LANCL3: variants seen among roughly 807,000 people sequenced by gnomAD.
LANCL3 encodes the protein LanC like family member 3, also known as lanC-like protein 3.
A neutral mutation model predicts 26.5 loss-of-function variants in LANCL3; 19 were observed. The observed-to-expected ratio is 0.72, with a 90% confidence interval of 0.50 to 1.05. The LOEUF is 1.05. Ranked by LOEUF, LANCL3 falls within the 50% of genes least tolerant of loss-of-function variation. The pLI is 0.00. For synonymous variants in LANCL3, 160 were observed against 166.6 expected (o/e 0.96, Z 0.30); for missense variants, 318 against 362.7 (o/e 0.88, Z 1.00).
intron 1 of LANCL3, among the ~76,000 whole-genome samples, chrX:37,574,054 C>CAAAAAAAAAAAAAAAAAAAAAAAAAAAAA (rs34987799): frequency 3.0e-5 from 1 of 33,433 alleles, no homozygotes; most frequent in African/African-American, 9.3e-5. Context: ...TCAAGGATAG[C>CAAAAAAAAAAAAAAAAAAAAAAAAAAAAA]AAAAAAAAAA....
chrX:37,604,936 T>A (rs1331327526), intron 1 of LANCL3, among the ~76,000 whole-genome samples: 1 of 112,553 alleles, frequency 8.9e-6, no homozygotes, highest in Admixed American at 9.3e-5. Context: ...CAGCATGTGG[T>A]CTCAGAGGCA....
chrX:37,616,821 A>T (rs1049933559), intron 1 of LANCL3, among the ~76,000 whole-genome samples: 1 of 111,786 alleles, frequency 8.9e-6, no homozygotes, highest in Non-Finnish European at 1.9e-5. Context: ...CCAGCACATC[A>T]GTATCATCTA....
At chrX:37,639,178 T>C (rs1242548247) in intron 1 of LANCL3, among the ~76,000 whole-genome samples, 1 of 103,316 alleles carries the variant, frequency 9.7e-6, no homozygotes, top group African/African-American at 3.5e-5. Flanking sequence ...TATATATCCA[T>C]ATATACATAC....
Position 37,682,250 on chromosome X carries a change from C to A in LANCL3, c.*6437C>A, listed in dbSNP as rs1390312658. The A allele has an allele frequency of 9.3e-6, 1 of 107,651 alleles. No homozygotes were observed. Among genetic ancestry groups the A allele is most frequent in the African/African-American group, 3.4e-5 (1 of 29,612 alleles). 8.9% of individuals were successfully genotyped at this position (107,651 alleles called of 1,213,427 possible). Reference sequence around the variant, plus strand: ...CCCAAGTAGCTGGGACTACAGGCGCCCGCCACTACGCCCGGCTAATTTTTT... The same window carrying A: ...CCCAAGTAGCTGGGACTACAGGCGCACGCCACTACGCCCGGCTAATTTTTT... On this transcript the variant is annotated 3_prime_UTR_variant, in exon 5 of 5. Transcript: ENST00000378619.
Position 37,667,912 on chromosome X carries a change from C to T in LANCL3, c.1103+423C>T, listed in dbSNP as rs782447693. Among the ~76,000 whole-genome samples the T allele has an allele frequency of 2.7e-5, 3 of 110,528 alleles. No homozygotes were observed. The South Asian group carries it at 1.2e-3, about 43-fold the overall frequency. On this transcript the variant is annotated intron_variant, in intron 4 of 4. Transcript: ENST00000378619. ...GGAGAGAGGAGGAAAGTGCCAGGCT[C>T]TTTTTAACAGTCATCTCTTGGGAGC...
At chrX:37,667,946 T>C (rs1209452750) in intron 4 of LANCL3, among the ~76,000 whole-genome samples, 1 of 110,081 alleles carries the variant, frequency 9.1e-6, no homozygotes, top group Non-Finnish European at 1.9e-5. Flanking sequence ...GCAAATAGAG[T>C]GAGAGCTCAC....
intron 1 of LANCL3, among the ~76,000 whole-genome samples, chrX:37,579,110 A>G (rs1370328512): frequency 2.7e-5 from 3 of 110,719 alleles, no homozygotes; most frequent in Non-Finnish European, 5.7e-5. Flanking sequence ...CATATATTAC[A>G]CAGCTTGCTT....
At chrX:37,612,839 G>A (rs1485559121) in intron 1 of LANCL3, among the ~76,000 whole-genome samples, 1 of 111,824 alleles carries the variant, frequency 8.9e-6, no homozygotes, top group Non-Finnish European at 1.9e-5. Context: ...GCTGTTTTGA[G>A]CTTTATTACA....
Position 37,571,892 on chromosome X carries a change from G to A in LANCL3, c.22G>A (p.Ala8Thr). ...CAGCATGGACACCAAGCGCTGCTTC[G>A]CCAATCGCTTCGATGACTACCAGGG... MDTKRCF[A>T]NRFDDYQGSL... Residue 8 changes from alanine to threonine, a missense_variant, in exon 1 of 5, where the codon GCC becomes ACC. Physicochemically the swap from Ala to Thr is moderately conservative, Grantham distance 58 (BLOSUM62 0). Coordinates refer to ENST00000378619, the MANE Select transcript of LANCL3 (RefSeq NM_001170331.2). 1 of 1,205,577 alleles carries A rather than the reference G, an allele frequency of 8.3e-7. No homozygotes were observed. Among genetic ancestry groups the A allele is most frequent in the Non-Finnish European group, 1.1e-6 (1 of 893,351 alleles).
intron 1 of LANCL3, among the ~76,000 whole-genome samples, chrX:37,590,694 A>G (rs1249518440): frequency 3.6e-5 from 4 of 112,048 alleles, no homozygotes; most frequent in African/African-American, 1.3e-4. Context: ...TCTGCTTATG[A>G]TCTTCAGTAC....
chrX:37,679,527 A>T lies in LANCL3; in HGVS notation c.*3714A>T. The T allele has an allele frequency of 8.9e-6, 1 of 112,042 alleles. No homozygotes were observed. The highest frequency in any genetic ancestry group is 2.8e-4 in the East Asian group (1 of 3,594). 9.2% of individuals were successfully genotyped at this position (112,042 alleles called of 1,213,427 possible). ...AATAACTCAAGAAAAGGAGCAGGCA[A>T]GCCAGGTCTGTAGAGAGAAAATGAA... On this transcript the variant is annotated 3_prime_UTR_variant, in exon 5 of 5. Coordinates refer to ENST00000378619, the MANE Select transcript of LANCL3 (RefSeq NM_001170331.2).
intron 1 of LANCL3, among the ~76,000 whole-genome samples, chrX:37,609,235 A>T (rs1266100442): frequency 6.3e-5 from 7 of 111,891 alleles, no homozygotes; most frequent in African/African-American, 2.3e-4. Flanking sequence ...GCCTACTTAG[A>T]TGCCGTCTTT....
chrX:37,642,386 T>G (rs1206354650), intron 1 of LANCL3, among the ~76,000 whole-genome samples: 1 of 111,524 alleles, frequency 9.0e-6, no homozygotes, highest in African/African-American at 3.3e-5. Context: ...TAACAAGAGT[T>G]TGGATATAGG....
intron 1 of LANCL3, among the ~76,000 whole-genome samples, chrX:37,584,921 CT>C (rs1311349937): frequency 8.9e-6 from 1 of 111,821 alleles, no homozygotes; most frequent in Non-Finnish European, 1.9e-5. Context: ...CCTGCTTTCT[CT>C]TGTGGGCATT....
intron 1 of LANCL3, among the ~76,000 whole-genome samples, chrX:37,622,054 T>A (rs933273555): frequency 1.8e-5 from 2 of 111,562 alleles, no homozygotes; most frequent in Non-Finnish European, 3.8e-5. Flanking sequence ...TCCTCAGGTC[T>A]CTTTTTTTCT....
chrX:37,588,881 C>G (rs1410434569), intron 1 of LANCL3, among the ~76,000 whole-genome samples: 1 of 111,758 alleles, frequency 8.9e-6, no homozygotes, highest in African/African-American at 3.3e-5. Context: ...GTTACTGTGC[C>G]CATCTGCTGG....
intron 1 of LANCL3, among the ~76,000 whole-genome samples, chrX:37,610,307 A>G (rs1307373773): frequency 2.7e-5 from 3 of 111,882 alleles, no homozygotes. Context: ...GCAAAAGTGC[A>G]TGACATTTCA....
At chrX:37,586,093 A>G (rs1486849615) in intron 1 of LANCL3, among the ~76,000 whole-genome samples, 9 of 111,597 alleles carry the variant, frequency 8.1e-5, no homozygotes, top group African/African-American at 1.3e-4. Context: ...TCGGTTGAAA[A>G]TTCTTTTCTT....
chrX:37,584,898 A>G (rs1234507988), intron 1 of LANCL3, among the ~76,000 whole-genome samples: 50 of 111,449 alleles, frequency 4.5e-4, no homozygotes, highest in Admixed American at 3.8e-3. Flanking sequence ...TAGGGTGTCA[A>G]TTTTAGATCT....
Sources: gnomAD v4.1 joint callset for allele counts (sites outside exome capture counted in the v4.1 genomes callset) on GRCh38, gnomAD v4.1.1 for gene constraint, MANE v1.5 for transcripts, NCBI Gene and HGNC (gene_info 2026-07-23, HGNC 2026-07-21) for gene names.